PPP2R5A: variants seen among roughly 807,000 people sequenced by gnomAD.
PPP2R5A encodes the protein serine/threonine-protein phosphatase 2A 56 kDa regulatory subunit alpha isoform.
PPP2R5A carries 25 observed loss-of-function variants against 64.2 expected under a neutral mutation model. The observed-to-expected ratio is 0.39, with a 90% CI of 0.28 to 0.54. The LOEUF (loss-of-function observed/expected upper bound fraction) is 0.54. PPP2R5A is among the 20% of genes least tolerant of loss of function. The pLI is 0.67. For missense variants in PPP2R5A, 425 were observed against 576.3 expected, an observed-to-expected ratio of 0.74 and a Z score of 2.69; for synonymous variants, 198 against 201.2, an observed-to-expected ratio of 0.98 and a Z score of 0.13.
intron 8 of PPP2R5A, among the ~76,000 whole-genome samples, chr1:212,356,060 T>C (rs761586977): frequency 3.9e-5 from 6 of 152,050 alleles, no homozygotes; most frequent in Non-Finnish European, 5.9e-5. Context: ...TGAGACTCCA[T>C]CTCAAAATAA....
chr1:212,287,405 A>C (rs1012217249), intron 1 of PPP2R5A, among the ~76,000 whole-genome samples: 2 of 152,148 alleles, frequency 1.3e-5, no homozygotes, highest in African/African-American at 4.8e-5. Context: ...TCTGGTTCTC[A>C]TTTGTCTTTG....
intron 1 of PPP2R5A, among the ~76,000 whole-genome samples, chr1:212,314,290 G>T (rs895591133): frequency 3.3e-5 from 5 of 152,112 alleles, no homozygotes; most frequent in Admixed American, 2.0e-4. Context: ...TTTAGCTGAG[G>T]CCTTAGACAT....
intron 1 of PPP2R5A, among the ~76,000 whole-genome samples, chr1:212,305,961 A>G (rs971256528): frequency 7.2e-5 from 11 of 152,320 alleles, no homozygotes; most frequent in Admixed American, 2.0e-4. Flanking sequence ...GAAATTGAAC[A>G]CTTGAACAAA....
chr1:212,330,547 C>A (rs75455841), intron 2 of PPP2R5A, among the ~76,000 whole-genome samples: 50 of 146,294 alleles, frequency 3.4e-4, no homozygotes, highest in African/African-American at 3.5e-4. Context: ...CACCTTGTCT[C>A]AAAAAAAAAA....
rs1434727140 is a variant in PPP2R5A at position 212,286,194 on chromosome 1, G to A, written c.84G>A (p.Ser28=). The A allele has an allele frequency of 6.3e-7, 1 of 1,585,664 alleles. No individual in the cohort carries two copies. The highest frequency in any genetic ancestry group is 1.4e-5 in the African/African-American group (1 of 73,738). ...SEKVDGFTRK[S]VRKAQRQKRS... ...AAGTGGACGGCTTCACCCGGAAATC[G>A]GTCCGCAAGGCGCAGAGGCAGAAGC... is the stretch of plus-strand genomic sequence containing the variant. Residue 28 remains serine (S), a synonymous_variant, in exon 1 of 13, where the codon TCG becomes TCA. Transcript: ENST00000261461.
chr1:212,286,711 T>A (rs950783740), intron 1 of PPP2R5A, among the ~76,000 whole-genome samples: 2 of 152,166 alleles, frequency 1.3e-5, no homozygotes, highest in African/African-American at 4.8e-5. Context: ...TCGGCCACTT[T>A]TAGCTAGTCC....
At chr1:212,314,105 TC>T (rs1380607525) in intron 1 of PPP2R5A, among the ~76,000 whole-genome samples, 4 of 152,228 alleles carry the variant, frequency 2.6e-5, no homozygotes, top group African/African-American at 4.8e-5. Flanking sequence ...CTTCTCAGAT[TC>T]ATTGCCCTTG....
intron 4 of PPP2R5A, among the ~76,000 whole-genome samples, chr1:212,344,105 G>A (rs1440837869): frequency 2.0e-5 from 3 of 152,126 alleles, no homozygotes; most frequent in African/African-American, 4.8e-5. Flanking sequence ...CCAAGTAGCT[G>A]GGACTGCAAA....
intron 1 of PPP2R5A, among the ~76,000 whole-genome samples, chr1:212,310,489 T>C (rs1659008644): frequency 6.6e-6 from 1 of 152,206 alleles, no homozygotes; most frequent in Admixed American, 6.5e-5. Flanking sequence ...CTAACTGTTT[T>C]ATGGCCTACT....
intron 7 of PPP2R5A, among the ~76,000 whole-genome samples, 193 bp downstream of exon 7, chr1:212,348,690 T>G (rs2102444750): frequency 6.6e-6 from 1 of 152,354 alleles, no homozygotes; most frequent in Non-Finnish European, 1.5e-5. Context: ...AATTTCTATA[T>G]CTACACTTAC....
At chr1:212,359,663 GCTAT>G (rs1156520388) in intron 12 of PPP2R5A, among the ~76,000 whole-genome samples, 2 of 152,096 alleles carry the variant, frequency 1.3e-5, no homozygotes, top group African/African-American at 4.8e-5. Flanking sequence ...GTTTAGAAAA[GCTAT>G]CTATTTTGAC....
chr1:212,289,073 G>A (rs1658555799), intron 1 of PPP2R5A, among the ~76,000 whole-genome samples: 3 of 152,208 alleles, frequency 2.0e-5, no homozygotes, highest in Admixed American at 1.3e-4. Flanking sequence ...TAAACAACAA[G>A]CCTTGTTAAA....
chr1:212,346,207 A>G (rs1659773799), intron 5 of PPP2R5A, among the ~76,000 whole-genome samples: 1 of 151,926 alleles, frequency 6.6e-6, no homozygotes, highest in Non-Finnish European at 1.5e-5. Flanking sequence ...TATGTACTGT[A>G]TGTACGTAGT....
intron 11 of PPP2R5A, chr1:212,357,881 CA>C (rs1483455049): frequency 6.6e-6 from 1 of 152,184 alleles, no homozygotes; most frequent in Non-Finnish European, 1.5e-5. Flanking sequence ...ACCGTAGCCT[CA>C]AACTCCTGGG....
intron 8 of PPP2R5A, among the ~76,000 whole-genome samples, chr1:212,349,640 T>C (rs931088077): frequency 6.6e-6 from 1 of 152,172 alleles, no homozygotes; most frequent in Admixed American, 6.5e-5. Context: ...AATAATAGAA[T>C]TTTTGCCACT....
At position 212,358,722 on chromosome 1, in the gene PPP2R5A, C is replaced by T. The variant is rs370975995; in HGVS notation, c.1263C>T (p.Thr421=). ...CACTGGTATACAATGTGCTGAAAAC[C>T]CTAATGGAAATGAATGGCAAGCTTT... ...IVALVYNVLK[T]LMEMNGKLFD... Residue 421 remains threonine, a synonymous_variant, in exon 12 of 13, where the codon ACC becomes ACT. Coordinates refer to ENST00000261461, the MANE Select transcript of PPP2R5A (RefSeq NM_006243.4). 6.8e-5 allele frequency: 110 copies of T among 1,613,492 alleles called. 1 individual carries two copies. The highest frequency in any genetic ancestry group is 6.7e-4 in the South Asian group (61 of 91,006).
At chr1:212,303,285 A>G (rs921240740) in intron 1 of PPP2R5A, among the ~76,000 whole-genome samples, 1 of 152,154 alleles carries the variant, frequency 6.6e-6, no homozygotes, top group Non-Finnish European at 1.5e-5. Context: ...AGCCATCCTA[A>G]TGGATGTGAA....
chr1:212,335,401 G>C (rs1048394326), intron 3 of PPP2R5A, among the ~76,000 whole-genome samples: 1 of 151,852 alleles, frequency 6.6e-6, no homozygotes, highest in African/African-American at 2.4e-5. Flanking sequence ...CTGGAACCCA[G>C]GAGGCGGAGG....
chr1:212,312,420 G>T (rs1424404855), intron 1 of PPP2R5A, among the ~76,000 whole-genome samples: 5 of 151,966 alleles, frequency 3.3e-5, no homozygotes, highest in African/African-American at 4.8e-5. Flanking sequence ...TTTGCTGTTT[G>T]CCCTTAGGAC....
Sources: allele counts gnomAD v4.1 joint callset (sites outside exome capture counted in the v4.1 genomes callset), GRCh38; gene constraint gnomAD v4.1.1; transcripts MANE v1.5; gene names NCBI Gene and HGNC (gene_info 2026-07-23, HGNC 2026-07-21).